Variants in CCDC187 observed in about 807,000 individuals in gnomAD.
CCDC187 encodes the protein coiled-coil domain-containing protein 187.
CCDC187 carries 32 observed loss-of-function variants against 38.0 expected under a neutral mutation model. The ratio of observed to expected loss-of-function variants is 0.84; its 90% CI spans 0.64 to 1.13. The LOEUF (loss-of-function observed/expected upper bound fraction) is 1.13, where lower values mean the gene tolerates loss of function less well. CCDC187 is among the 50% of genes most tolerant of loss of function. The pLI is 0.00. For synonymous variants in CCDC187, 333 were observed against 347.9 expected (o/e 0.96, Z 0.48); for missense variants, 707 against 786.8 (o/e 0.90, Z 1.21).
rs1564303128 is a variant in CCDC187 at position 136,251,891 on chromosome 9, TCCCGCGGAGCCGGCCGCCCA to T, written c.*1683_*1702del. The T allele has an allele frequency of 4.8e-5, 6 of 123,742 alleles. No homozygotes were observed. Among genetic ancestry groups the T allele is most frequent in the Non-Finnish European group, 3.4e-5 (2 of 58,858 alleles). 7.7% of individuals were successfully genotyped at this position (123,742 alleles called of 1,614,324 possible). On this transcript the variant is annotated 3_prime_UTR_variant, in exon 26 of 26. Transcript: ENST00000638797. ...CACCCCGGGAAGGTCCAGGCGACCG[TCCCGCGGAGCCGGCCGCCCA>T]CCTGGTCCACCCTGGGAAGAGCCGG...
rs1830523839 is a variant in CCDC187, at chr9:136,250,647, T to C, written c.*2947A>G. 1 of 423,576 alleles carries C rather than the reference T, an allele frequency of 2.4e-6. No homozygotes were observed. The highest frequency in any genetic ancestry group is 4.9e-6 in the Non-Finnish European group (1 of 206,112). 26.2% of individuals were successfully genotyped at this position (423,576 alleles called of 1,614,324 possible). On this transcript the variant is annotated 3_prime_UTR_variant, in exon 26 of 26. Coordinates refer to ENST00000638797, the MANE Select transcript of CCDC187 (RefSeq NM_001378188.1). ...AAAGTTTGTTCTGAAATTGGGAGCA[T>C]GGAGCAGGAACACATTCCCCACTGG...
chr9:136,260,009 G>T, intron 20 of CCDC187, 110 bp downstream of exon 20: 1 of 898,946 alleles, frequency 1.1e-6, no homozygotes, highest in Non-Finnish European at 1.3e-6. Context: ...GGCACAGCAG[G>T]CCAGAACACA....
At chr9:136,278,567 A>C (rs1428527822) in intron 10 of CCDC187, among the ~76,000 whole-genome samples, 1 of 152,210 alleles carries the variant, frequency 6.6e-6, no homozygotes, top group African/African-American at 2.4e-5. Flanking sequence ...GTGAGGATGC[A>C]ATGGGACAGT....
At chr9:136,269,151 C>T (rs529177684) in intron 14 of CCDC187, among the ~76,000 whole-genome samples, 7 of 152,276 alleles carry the variant, frequency 4.6e-5, no homozygotes, top group African/African-American at 9.6e-5. Context: ...CTGGTAATGA[C>T]GCCTGTTTCC....
chr9:136,262,326 C>T lies in CCDC187; in HGVS notation c.4049G>A (p.Ser1350Asn). The change falls in exon 19 of 26, where the codon AGC (serine) becomes AAC (asparagine). Residue 1350 changes from serine (S) to asparagine (N), a missense_variant. By Grantham distance (46) the Ser-to-Asn change is conservative (BLOSUM62 1). Transcript: ENST00000638797. ...ACCAACTCACCGCGTGGCCTTTGAG[C>T]TTGCGGGGCTGCTCTGGGGGCGATG... The part of the protein sequence containing the change: ...TSHRPQSSPA[S>N]SKATRPPTEQ... The T allele has an allele frequency of 1.0e-6, 1 of 986,642 alleles. No individual in the cohort carries two copies. Among genetic ancestry groups the T allele is most frequent in the South Asian group, 4.7e-5 (1 of 21,328 alleles). 61.1% of individuals were successfully genotyped at this position (986,642 alleles called of 1,614,324 possible).
chr9:136,257,166 A>G lies in CCDC187; in HGVS notation c.4367-325T>C, dbSNP rs1348435504. On this transcript the variant is annotated intron_variant, in intron 22 of 25. Coordinates refer to ENST00000638797, the MANE Select transcript of CCDC187 (RefSeq NM_001378188.1). The surrounding 1 kb of genome is among the most constrained non-coding windows in gnomAD (Gnocchi z 4.5). ...GAGGCGGGCGGATCACAAGGTCAGG[A>G]GTTCGAGACCAGCCTGGCCAATGTA... is the stretch of plus-strand genomic sequence containing the variant. Among the ~76,000 whole-genome samples the G allele has an allele frequency of 6.6e-6, 1 of 152,158 alleles. No homozygotes were observed. Among genetic ancestry groups the G allele is most frequent in the African/African-American group, 2.4e-5 (1 of 41,436 alleles).
chr9:136,289,149 G>A (rs1639855412), intron 7 of CCDC187, among the ~76,000 whole-genome samples: 2 of 152,244 alleles, frequency 1.3e-5, no homozygotes, highest in Admixed American at 1.3e-4. Context: ...TCTTGAATGA[G>A]CCTGGAAAAC....
intron 6 of CCDC187, 37 bp from the exon 7 acceptor site, chr9:136,290,090 C>T (rs1462735446): frequency 3.0e-5 from 12 of 398,746 alleles, no homozygotes; most frequent in Admixed American, 1.3e-4. Flanking sequence ...GCCCCCCGCT[C>T]GGGAAGACCA....
intron 9 of CCDC187, among the ~76,000 whole-genome samples, chr9:136,282,415 GGAT>G (rs1831066781): frequency 1.3e-5 from 2 of 152,358 alleles, no homozygotes; most frequent in African/African-American, 4.8e-5. Flanking sequence ...AGTGCTACTG[GGAT>G]GAGGGGTCTT....
chr9:136,267,951 C>T (rs1447509122), intron 15 of CCDC187, 98 bp downstream of exon 15: 1 of 985,372 alleles, frequency 1.0e-6, no homozygotes, highest in Non-Finnish European at 1.2e-6. Context: ...CCTGCCTTGG[C>T]CCTTCTTAGT....
chr9:136,267,239 C>A (rs1830760157), intron 16 of CCDC187, 145 bp downstream of exon 16: 1 of 345,730 alleles, frequency 2.9e-6, no homozygotes, highest in Non-Finnish European at 4.1e-6. Flanking sequence ...ACTGTTTGGA[C>A]CAGTACCTCT....
At chr9:136,282,120 C>A (rs1831059497) in intron 9 of CCDC187, among the ~76,000 whole-genome samples, 1 of 152,352 alleles carries the variant, frequency 6.6e-6, no homozygotes, top group East Asian at 1.9e-4. Context: ...CCATCTCTAC[C>A]ATCTACTAAG....
At chr9:136,277,134 A>G (rs1410590692) in intron 10 of CCDC187, among the ~76,000 whole-genome samples, 1 of 151,824 alleles carries the variant, frequency 6.6e-6, no homozygotes, top group Non-Finnish European at 1.5e-5. Context: ...TGCATTTGCC[A>G]TGTGACCTTG....
chr9:136,279,606 C>T (rs1831000895), intron 10 of CCDC187, among the ~76,000 whole-genome samples: 1 of 152,244 alleles, frequency 6.6e-6, no homozygotes, highest in East Asian at 1.9e-4. Flanking sequence ...CAGCCCCTGC[C>T]CATCCAGCCT....
chr9:136,290,176 G>A (rs1457147446), intron 6 of CCDC187, 123 bp from the exon 7 acceptor site: 2 of 397,700 alleles, frequency 5.0e-6, no homozygotes, highest in Non-Finnish European at 8.9e-6. Context: ...CCAGAGTCTT[G>A]CAGGAATCGG....
Position 136,258,075 on chromosome 9 carries a change from T to C in CCDC187, c.4366+857A>G, listed in dbSNP as rs2131119553. 6.6e-6 allele frequency among the ~76,000 whole-genome samples: 1 copy of C among 152,152 alleles called. No homozygotes were observed. Among genetic ancestry groups the C allele is most frequent in the African/African-American group, 2.4e-5 (1 of 41,512 alleles). The stretch of plus-strand genomic sequence containing the variant: ...CCATGCGGCGAGGGAGGCTTCAGGC[T>C]GAGCAAGCTTCACGGTGGCCGCAGA... On this transcript the variant is annotated intron_variant, in intron 22 of 25. Transcript: ENST00000638797. The surrounding 1 kb of genome is among the most constrained non-coding windows in gnomAD (Gnocchi z 4.3).
chr9:136,280,162 T>C (rs1406971295), intron 10 of CCDC187, among the ~76,000 whole-genome samples: 2 of 152,268 alleles, frequency 1.3e-5, no homozygotes, highest in African/African-American at 4.8e-5. Context: ...ATGCGCTTTC[T>C]GCCTCTTCCT....
At chr9:136,297,056 G>A (rs1271264597) in intron 4 of CCDC187, among the ~76,000 whole-genome samples, 11 of 152,038 alleles carry the variant, frequency 7.2e-5, no homozygotes, top group Non-Finnish European at 1.5e-4. Context: ...AGCAAGCACG[G>A]CTCCCTCGGC....
intron 5 of CCDC187, 64 bp from the exon 6 acceptor site, chr9:136,291,709 C>T (rs1687561582): frequency 2.5e-6 from 1 of 398,564 alleles, no homozygotes; most frequent in Non-Finnish European, 4.4e-6. Context: ...CCAGCTCCTC[C>T]ATCCGGGCTG....
Sources: allele counts gnomAD v4.1 joint callset (sites outside exome capture counted in the v4.1 genomes callset), GRCh38; gene constraint gnomAD v4.1.1; non-coding constraint Gnocchi (gnomAD v3.1); transcripts MANE v1.5; gene names NCBI Gene and HGNC (gene_info 2026-07-23, HGNC 2026-07-21).